Variants in RNF222 observed in about 807,000 individuals in gnomAD.
The protein encoded by RNF222 is ring finger protein 222, also known as RING finger protein LOC643904.
RNF222 carries 14 observed loss-of-function variants against 10.8 expected under a neutral mutation model. That is an observed-to-expected ratio of 1.30 (90% CI 0.86 to 2.03). The LOEUF (loss-of-function observed/expected upper bound fraction) is 2.03, where lower values mean the gene tolerates loss of function less well. Among genes scored for constraint, RNF222 ranks in the 30% most tolerant of loss-of-function variants. The probability of loss-of-function intolerance (pLI) is 0.00; values close to 1 mark genes in which losing one functional copy is unlikely to be tolerated. For synonymous variants in RNF222, 141 were observed against 142.5 expected, an observed-to-expected ratio of 0.99 and a Z score of 0.07; for missense variants, 298 against 295.8, an observed-to-expected ratio of 1.01 and a Z score of -0.06.
At chr17:8,396,144 G>C (rs1157189733) in intron 1 of RNF222, among the ~76,000 whole-genome samples, 1 of 152,188 alleles carries the variant, frequency 6.6e-6, no homozygotes, top group African/African-American at 2.4e-5. Context: ...AGGCTGACAA[G>C]AAGAGCAAAT....
chr17:8,394,976 A>G (rs918628845), intron 1 of RNF222, among the ~76,000 whole-genome samples: 1 of 152,210 alleles, frequency 6.6e-6, no homozygotes, highest in Non-Finnish European at 1.5e-5. Flanking sequence ...GACAGAGACA[A>G]AAGACCCCTG....
At position 8,392,566 on chromosome 17, in the gene RNF222, A is replaced by C; in HGVS notation, c.*233T>G. 1.8e-6 allele frequency: 1 copy of C among 555,932 alleles called. No individual in the cohort carries two copies. Among genetic ancestry groups the C allele is most frequent in the Non-Finnish European group, 3.2e-6 (1 of 317,366 alleles). The allele number at this position is 555,932 out of a possible 1,614,324, so 34.4% of individuals were successfully genotyped here. The stretch of plus-strand genomic sequence containing the variant: ...TCCCAGCCTAGAGGAAGGGGAACGC[A>C]TCTGCTGAGGATTCACGTGGGGAAC... On this transcript the variant is annotated 3_prime_UTR_variant, in exon 3 of 3. Coordinates refer to ENST00000399398, the MANE Select transcript of RNF222 (RefSeq NM_001146684.3). This position sits in a 1 kb window ranked among gnomAD's most constrained non-coding sequence, Gnocchi z 4.3.
Position 8,392,654 on chromosome 17 carries a change from G to T in RNF222, c.*145C>A. 1 of 1,027,946 alleles carries T rather than the reference G, an allele frequency of 9.7e-7. No individual in the cohort carries two copies. The highest frequency in any genetic ancestry group is 1.4e-6 in the Non-Finnish European group (1 of 735,404). The allele number at this position is 1,027,946 out of a possible 1,614,324, so 63.7% of individuals were successfully genotyped here. A position where few individuals can be genotyped will look rare whatever the true frequency, so the allele number is the denominator to read the frequency against. ...TCGAGCGGAAGCCCCTGCGGGGGTC[G>T]GGGAAGCCCAAGGCCCTCTCTGTGC... On this transcript the variant is annotated 3_prime_UTR_variant, in exon 3 of 3. Transcript: ENST00000399398. This position sits in a 1 kb window ranked among gnomAD's most constrained non-coding sequence, Gnocchi z 4.3.
intron 2 of RNF222, 48 bp from the exon 3 acceptor site, chr17:8,393,534 C>T (rs1597502554): frequency 6.7e-7 from 1 of 1,481,558 alleles, no homozygotes; most frequent in East Asian, 2.5e-5. Context: ...CTCTTTCCCT[C>T]CCCCGTCCTA....
intron 1 of RNF222, among the ~76,000 whole-genome samples, chr17:8,396,937 C>T (rs1475460585): frequency 6.6e-6 from 1 of 152,146 alleles, no homozygotes; most frequent in African/African-American, 2.4e-5. Context: ...CAAAGCATCC[C>T]TGTTGGTGCC....
chr17:8,391,965 C>T lies in RNF222; in HGVS notation c.*834G>A, dbSNP rs1685301637. 6.6e-6 allele frequency: 1 copy of T among 152,330 alleles called. No individual in the cohort carries two copies. Among genetic ancestry groups the T allele is most frequent in the South Asian group, 2.1e-4 (1 of 4,834 alleles). 9.4% of individuals were successfully genotyped at this position (152,330 alleles called of 1,614,324 possible). On this transcript the variant is annotated 3_prime_UTR_variant, in exon 3 of 3. Coordinates refer to ENST00000399398, the MANE Select transcript of RNF222 (RefSeq NM_001146684.3). ...GGGAGCCCCCAGGGGTTCGTTTGCC[C>T]ACATAGTTCTCAGCTGACTCAAGGC...
chr17:8,393,855 G>C (rs981812099), intron 2 of RNF222, among the ~76,000 whole-genome samples: 1 of 152,130 alleles, frequency 6.6e-6, no homozygotes. Flanking sequence ...CTTCAGTGAC[G>C]GAAGTGAAGA....
Position 8,393,052 on chromosome 17 carries a change from AG to A in RNF222, c.409del (p.Leu137TrpfsTer80). 6.7e-7 allele frequency: 1 copy of A among 1,497,952 alleles called. No homozygotes were observed. Among genetic ancestry groups the A allele is most frequent in the South Asian group, 1.3e-5 (1 of 76,396 alleles). 92.8% of individuals were successfully genotyped at this position (1,497,952 alleles called of 1,614,324 possible). A position where few individuals can be genotyped will look rare whatever the true frequency, so the allele number is the denominator to read the frequency against. On this transcript the variant is annotated frameshift_variant, in exon 3 of 3. Transcript: ENST00000399398. LOFTEE classifies it high-confidence loss of function. Reference protein sequence around the residue: ...GSPGQSAQLPLDLLPSLPRES... With the variant: ...GSPGQSAQLPXDLLPSLPRES... Reference sequence around the variant, plus strand: ...CCGGGGCAGGCTGGGCAGCAGGTCCAGGGGGAGCTGGGCGCTCTGGCCCGGG... The same window carrying A: ...CCGGGGCAGGCTGGGCAGCAGGTCCAGGGGAGCTGGGCGCTCTGGCCCGGG...
At chr17:8,394,904 T>A (rs1257199744) in intron 1 of RNF222, among the ~76,000 whole-genome samples, 1 of 152,218 alleles carries the variant, frequency 6.6e-6, no homozygotes, top group African/African-American at 2.4e-5. Flanking sequence ...CCTAAACTTA[T>A]CTGGAACAGC....
At chr17:8,395,211 A>G (rs1908001786) in intron 1 of RNF222, among the ~76,000 whole-genome samples, 1 of 152,230 alleles carries the variant, frequency 6.6e-6, no homozygotes, top group Non-Finnish European at 1.5e-5. Context: ...ATCCTGGAGG[A>G]GGCCCCCAAA....
rs1203871061 is a variant in RNF222, at chr17:8,392,571, C to T, written c.*228G>A. 8.8e-6 allele frequency: 5 copies of T among 565,460 alleles called. No individual in the cohort carries two copies. Among genetic ancestry groups the T allele is most frequent in the Admixed American group, 3.4e-5 (1 of 29,832 alleles). The allele number at this position is 565,460 out of a possible 1,614,324, so 35.0% of individuals were successfully genotyped here. A position where few individuals can be genotyped will look rare whatever the true frequency, so the allele number is the denominator to read the frequency against. On this transcript the variant is annotated 3_prime_UTR_variant, in exon 3 of 3. Coordinates refer to ENST00000399398, the MANE Select transcript of RNF222 (RefSeq NM_001146684.3). This position sits in a 1 kb window ranked among gnomAD's most constrained non-coding sequence, Gnocchi z 4.3. ...GCCTAGAGGAAGGGGAACGCATCTGCTGAGGATTCACGTGGGGAACACGCG... is the reference window on the plus strand; with the variant it reads ...GCCTAGAGGAAGGGGAACGCATCTGTTGAGGATTCACGTGGGGAACACGCG...
intron 1 of RNF222, among the ~76,000 whole-genome samples, chr17:8,394,612 A>T (rs757267123): frequency 5.3e-5 from 8 of 152,060 alleles, no homozygotes; most frequent in Non-Finnish European, 7.4e-5. Context: ...TAATTTTTGT[A>T]ATTTTAGTAG....
rs188146754 is a variant in RNF222 at position 8,396,435 on chromosome 17, C to T, written c.-178+1260G>A. Among the ~76,000 whole-genome samples, 10 of 152,208 alleles carry T rather than the reference C, an allele frequency of 6.6e-5. No individual in the cohort carries two copies. In the East Asian group the frequency reaches 1.2e-3, roughly 18 times the overall value. On this transcript the variant is annotated intron_variant, in intron 1 of 2. Coordinates refer to ENST00000399398, the MANE Select transcript of RNF222 (RefSeq NM_001146684.3). Reference sequence around the variant, plus strand: ...AGAAGGAGAGCCTCTACTTTTCATCCGAGTTAGAGGAAAAGTAAAAAGGAC... The same window carrying T: ...AGAAGGAGAGCCTCTACTTTTCATCTGAGTTAGAGGAAAAGTAAAAAGGAC...
intron 2 of RNF222, among the ~76,000 whole-genome samples, chr17:8,393,916 C>T (rs763429457): frequency 6.6e-6 from 1 of 152,212 alleles, no homozygotes; most frequent in African/African-American, 2.4e-5. Flanking sequence ...GATGCATGCA[C>T]AGCCCCAGTC....
chr17:8,396,046 A>G (rs1908027587), intron 1 of RNF222, among the ~76,000 whole-genome samples: 1 of 152,238 alleles, frequency 6.6e-6, no homozygotes, highest in Non-Finnish European at 1.5e-5. Flanking sequence ...GTGGACATTT[A>G]TAAGTTTTCT....
Position 8,394,187 on chromosome 17 carries a change from CTCAG to C in RNF222, c.-39_-36del, listed in dbSNP as rs1907966070. 1.3e-5 allele frequency: 2 copies of C among 152,392 alleles called. No homozygotes were observed. The highest frequency in any genetic ancestry group is 4.8e-5 in the African/African-American group (2 of 41,592). The allele number at this position is 152,392 out of a possible 1,614,324, so 9.4% of individuals were successfully genotyped here. The stretch of plus-strand genomic sequence containing the variant: ...AGGTTCATTCCCTCACCTGCCACAG[CTCAG>C]TCATTCTCCAAATTCTTCTTATGGG... On this transcript the variant is annotated 5_prime_UTR_variant, in exon 2 of 3. An upstream open reading frame in the 5' UTR gains an earlier in-frame stop. Coordinates refer to ENST00000399398, the MANE Select transcript of RNF222 (RefSeq NM_001146684.3).
In RNF222 at chr17:8,392,615, C is replaced by T; in HGVS notation, c.*184G>A. The T allele has an allele frequency of 1.4e-6, 1 of 692,726 alleles. No homozygotes were observed. The highest frequency in any genetic ancestry group is 2.3e-6 in the Non-Finnish European group (1 of 429,802). The allele number at this position is 692,726 out of a possible 1,614,324, so 42.9% of individuals were successfully genotyped here. Reference sequence around the variant, plus strand: ...ACACGCGCCGCGCGCATGGAGTCAGCTCCAGCCTCTCTGTCGAGCGGAAGC... The same window carrying T: ...ACACGCGCCGCGCGCATGGAGTCAGTTCCAGCCTCTCTGTCGAGCGGAAGC... On this transcript the variant is annotated 3_prime_UTR_variant, in exon 3 of 3. Coordinates refer to ENST00000399398, the MANE Select transcript of RNF222 (RefSeq NM_001146684.3). The surrounding 1 kb of genome is among the most constrained non-coding windows in gnomAD (Gnocchi z 4.3).
intron 1 of RNF222, among the ~76,000 whole-genome samples, chr17:8,396,604 C>T (rs546943113): frequency 7.2e-5 from 11 of 152,054 alleles, no homozygotes; most frequent in Admixed American, 2.6e-4. Flanking sequence ...CCAATGATGG[C>T]CTCTCTGGAC....
intron 1 of RNF222, among the ~76,000 whole-genome samples, chr17:8,396,657 C>T (rs962543143): frequency 3.9e-5 from 6 of 152,134 alleles, no homozygotes; most frequent in Admixed American, 2.6e-4. Context: ...GGCAATCCTT[C>T]CCCCGTCCCG....
Sources: allele counts gnomAD v4.1 joint callset (sites outside exome capture counted in the v4.1 genomes callset), GRCh38; gene constraint gnomAD v4.1.1; non-coding constraint Gnocchi (gnomAD v3.1); transcripts MANE v1.5; gene names NCBI Gene and HGNC (gene_info 2026-07-23, HGNC 2026-07-21).